PUF60: variants seen among roughly 807,000 people sequenced by gnomAD.
PUF60 encodes poly(U) binding splicing factor 60, also known as poly(U)-binding-splicing factor PUF60.
PUF60 carries 10 observed loss-of-function variants against 61.8 expected under a neutral mutation model. The ratio of observed to expected loss-of-function variants is 0.16; its 90% CI spans 0.10 to 0.27. The LOEUF (loss-of-function observed/expected upper bound fraction) is 0.27, where lower values mean the gene tolerates loss of function less well. Among genes scored for constraint, PUF60 ranks in the 10% least tolerant of loss-of-function variants. The pLI, the probability that PUF60 is intolerant of heterozygous loss-of-function variation, is 1.00. For missense variants in PUF60, 371 were observed against 754.0 expected (o/e 0.49, Z 5.95); for synonymous variants, 353 against 300.9 (o/e 1.17, Z -1.79).
chr8:143,827,477 C>T (rs1474447577), intron 1 of PUF60: 1 of 455,950 alleles, frequency 2.2e-6, no homozygotes, highest in Non-Finnish European at 4.4e-6. Context: ...CTTCTGGCTT[C>T]CTTCCCCACC....
chr8:143,821,539 AGAG>A (rs1227965778), intron 4 of PUF60, 55 bp downstream of exon 4: 6 of 1,383,526 alleles, frequency 4.3e-6, no homozygotes, highest in Admixed American at 2.0e-5. Context: ...AAGAGCGTGA[AGAG>A]GAGGAGATGG....
In PUF60 at chr8:143,816,558, C is replaced by T; in HGVS notation, c.1642G>A (p.Asp548Asn). ...AGRKVVAEVYDQERFDNSDLS... is the reference protein window; with the variant it reads ...AGRKVVAEVYNQERFDNSDLS... ...TCACTGTTATCAAAACGCTCCTGGT[C>T]GTACACTTCAGCCACCACCTTGCGG... The change falls in exon 12 of 12, where the codon GAC (aspartate) becomes AAC (asparagine). Residue 548 changes from aspartate to asparagine, a missense_variant. This residue lies in a region of PUF60 where 17 missense variants were observed against 37.3 expected (regional missense o/e 0.46). Coordinates refer to ENST00000526683, the MANE Select transcript of PUF60 (RefSeq NM_078480.3). The T allele has an allele frequency of 4.3e-6, 7 of 1,613,318 alleles. No individual in the cohort carries two copies. Among genetic ancestry groups the T allele is most frequent in the Non-Finnish European group, 5.9e-6 (7 of 1,179,754 alleles).
In PUF60 at chr8:143,821,300, C is replaced by T. The variant is rs138901795; in HGVS notation, c.297+297G>A. The T allele has an allele frequency of 5.1e-4, 281 of 555,502 alleles. 2 individuals are homozygous for T. The East Asian group carries it at 7.3e-3, about 14-fold the overall frequency. The allele number at this position is 555,502 out of a possible 1,614,324, so 34.4% of individuals were successfully genotyped here. A position where few individuals can be genotyped will look rare whatever the true frequency, so the allele number is the denominator to read the frequency against. ...CTGTGCACAGCTGGGGCAGGGAGCA[C>T]GGGAGAGACCAGAGGCCACAGTGTG... On this transcript the variant is annotated intron_variant, in intron 4 of 11. Coordinates refer to ENST00000526683, the MANE Select transcript of PUF60 (RefSeq NM_078480.3).
Position 143,821,902 on chromosome 8 carries a change from G to C in PUF60, c.123C>G (p.Ser41=). ...TGCTCTGCCCGTTCTCCATCTTGATGGAGTCTGTGCCCTGGTAAGGGAGCA... is the reference window on the plus strand; with the variant it reads ...TGCTCTGCCCGTTCTCCATCTTGATCGAGTCTGTGCCCTGGTAAGGGAGCA... ...DKWKPPQGTD[S]IKMENGQSTA... The change falls in exon 3 of 12, where the codon TCC becomes TCG. Residue 41 remains serine (S), a synonymous_variant. Transcript: ENST00000526683. The C allele has an allele frequency of 6.2e-7, 1 of 1,603,856 alleles. No homozygotes were observed. Among genetic ancestry groups the C allele is most frequent in the Middle Eastern group, 1.7e-4 (1 of 6,042 alleles).
chr8:143,829,168 C>A, intron 1 of PUF60, 112 bp downstream of exon 1: 1 of 1,222,324 alleles, frequency 8.2e-7, no homozygotes, highest in Non-Finnish European at 1.0e-6. Context: ...GGAGTCCGCG[C>A]GGGACCTGGG....
In PUF60 at chr8:143,817,190, C is replaced by A. The variant is rs746330536; in HGVS notation, c.1145-45G>T. ...GTCCATCAGTCACTCCCTACCACCC[C>A]CCTTCCCAGAAAGGCACAGAGCTGG... On this transcript the variant is annotated intron_variant, in intron 10 of 11. Coordinates refer to ENST00000526683, the MANE Select transcript of PUF60 (RefSeq NM_078480.3). The surrounding 1 kb of genome is among the most constrained non-coding windows in gnomAD (Gnocchi z 7.4). 2.0e-5 allele frequency: 30 copies of A among 1,534,964 alleles called. No individual in the cohort carries two copies. The Admixed American group carries it at 5.6e-4, about 29-fold the overall frequency.
In PUF60 at chr8:143,817,634, A is replaced by G; in HGVS notation, c.966T>C (p.Ala322=). The part of the protein sequence containing the change: ...PATPGGLPPA[A]AVAAAAATAK... Reference sequence around the variant, plus strand: ...CAGTGGCTGCAGCAGCTGCCACAGCAGCGGCAGGTGGGAGGCCTCCAGGCG... The same window carrying G: ...CAGTGGCTGCAGCAGCTGCCACAGCGGCGGCAGGTGGGAGGCCTCCAGGCG... Residue 322 remains alanine, a synonymous_variant, in exon 9 of 12, where the codon GCT becomes GCC. Coordinates refer to ENST00000526683, the MANE Select transcript of PUF60 (RefSeq NM_078480.3). The surrounding 1 kb of genome is among the most constrained non-coding windows in gnomAD (Gnocchi z 7.4). 1 of 1,612,454 alleles carries G rather than the reference A, an allele frequency of 6.2e-7. No individual in the cohort carries two copies. The highest frequency in any genetic ancestry group is 8.5e-7 in the Non-Finnish European group (1 of 1,179,776).
At chr8:143,828,840 G>T in intron 1 of PUF60, 1 of 813,060 alleles carries the variant, frequency 1.2e-6, no homozygotes, top group Non-Finnish European at 1.5e-6. Flanking sequence ...GCTCTGAGCT[G>T]CAGGCCCCTT....
intron 2 of PUF60, 39 bp from the exon 3 acceptor site, chr8:143,821,952 A>C: frequency 2.3e-4 from 352 of 1,502,612 alleles, no homozygotes; most frequent in Non-Finnish European, 2.9e-4. Context: ...CAGCAAGCTC[A>C]AGTTCTCCTT....
chr8:143,820,640 CG>C, intron 5 of PUF60, 25 bp downstream of exon 5: 1 of 1,607,462 alleles, frequency 6.2e-7, no homozygotes, highest in Non-Finnish European at 8.5e-7. Flanking sequence ...ACATGAGCCC[CG>C]GAAGAAGTGA....
chr8:143,816,748 T>C lies in PUF60; in HGVS notation c.1452A>G (p.Thr484=), dbSNP rs2130206154. 2 of 1,613,780 alleles carry C rather than the reference T, an allele frequency of 1.2e-6. No individual in the cohort carries two copies. Among genetic ancestry groups the C allele is most frequent in the Non-Finnish European group, 1.7e-6 (2 of 1,179,880 alleles). The stretch of plus-strand genomic sequence containing the variant: ...CGGCCCCGAACTTGCCACACTCCTC[T>C]GTCACCTCCCCTTCCAGGTCATCAT... ...DIDDDLEGEV[T]EECGKFGAVN... Residue 484 remains threonine (T), a synonymous_variant, in exon 12 of 12, where the codon ACA becomes ACG. Coordinates refer to ENST00000526683, the MANE Select transcript of PUF60 (RefSeq NM_078480.3).
intron 2 of PUF60, 41 bp downstream of exon 2, chr8:143,824,272 A>AGGCGGGCGGGCC: frequency 6.8e-7 from 1 of 1,475,252 alleles, no homozygotes; most frequent in Non-Finnish European, 9.1e-7. Context: ...GCGGGCGGGC[A>AGGCGGGCGGGCC]GGCGGGCGGG....
intron 2 of PUF60, 134 bp from the exon 3 acceptor site, chr8:143,822,047 C>T (rs994283830): frequency 1.5e-6 from 1 of 667,828 alleles, no homozygotes; most frequent in African/African-American, 1.8e-5. Flanking sequence ...CATTGCTGTC[C>T]CCAGCCCAGG....
intron 1 of PUF60, chr8:143,827,105 G>T: frequency 3.1e-6 from 1 of 322,864 alleles, no homozygotes; most frequent in South Asian, 2.4e-5. Flanking sequence ...TCTCTCAGGA[G>T]CCTGGTGTCA....
chr8:143,822,028 C>T, intron 2 of PUF60, 115 bp from the exon 3 acceptor site: 1 of 745,494 alleles, frequency 1.3e-6, no homozygotes, highest in Non-Finnish European at 2.1e-6. Flanking sequence ...CTCAGGCCAG[C>T]CCTTCTGACA....
chr8:143,816,430 G>T lies in PUF60; in HGVS notation c.*90C>A. 7.0e-7 allele frequency: 1 copy of T among 1,421,368 alleles called. No individual in the cohort carries two copies. The highest frequency in any genetic ancestry group is 9.4e-7 in the Non-Finnish European group (1 of 1,058,494). 88.0% of individuals were successfully genotyped at this position (1,421,368 alleles called of 1,614,324 possible). On this transcript the variant is annotated 3_prime_UTR_variant, in exon 12 of 12. Coordinates refer to ENST00000526683, the MANE Select transcript of PUF60 (RefSeq NM_078480.3). ...TCCGCACTGTAGGCTGGGCTGGGCAGAGCGCGCCTGGCCCCGGGGACACCA... is the reference window on the plus strand; with the variant it reads ...TCCGCACTGTAGGCTGGGCTGGGCATAGCGCGCCTGGCCCCGGGGACACCA...
rs1286729624 is a variant in PUF60 at position 143,829,093 on chromosome 8, G to A, written c.24+187C>T. The A allele has an allele frequency of 2.7e-3, 3,017 of 1,111,594 alleles. 8 individuals are homozygous for A. The highest frequency in any genetic ancestry group is 3.1e-3 in the Non-Finnish European group (2,794 of 911,420). 68.9% of individuals were successfully genotyped at this position (1,111,594 alleles called of 1,614,324 possible). A position where few individuals can be genotyped will look rare whatever the true frequency, so the allele number is the denominator to read the frequency against. On this transcript the variant is annotated intron_variant, in intron 1 of 11. Transcript: ENST00000526683. Reference sequence around the variant, plus strand: ...CTGGGGTCCGCAGGCCGGAAGCTGAGGCCGCGAGCCGGCCGCCGGCGCGCG... The same window carrying A: ...CTGGGGTCCGCAGGCCGGAAGCTGAAGCCGCGAGCCGGCCGCCGGCGCGCG...
At chr8:143,820,406 C>T (rs1191739986) in intron 5 of PUF60, 10 of 556,528 alleles carry the variant, frequency 1.8e-5, no homozygotes, top group Non-Finnish European at 2.6e-5. Flanking sequence ...GCTACCCGCC[C>T]TGGCCGGCTG....
intron 5 of PUF60, chr8:143,820,314 C>G (rs1408040311): frequency 3.0e-6 from 1 of 335,386 alleles, no homozygotes; most frequent in African/African-American, 2.2e-5. Context: ...AGCCAGGCAG[C>G]CTGGAGACTG....
Sources: allele counts gnomAD v4.1 joint callset, GRCh38; gene constraint gnomAD v4.1.1; regional missense constraint gnomAD v4.1.1; non-coding constraint Gnocchi (gnomAD v3.1); transcripts MANE v1.5; gene names NCBI Gene and HGNC (gene_info 2026-07-23, HGNC 2026-07-21).